Variants in TRAP1 observed in about 807,000 individuals in gnomAD.
TRAP1 encodes the protein heat shock protein 75 kDa, mitochondrial.
Under a neutral mutation model 89.1 loss-of-function variants are expected in TRAP1, and 102 were observed. The observed-to-expected ratio is 1.15, with a 90% CI of 0.98 to 1.35. TRAP1 has a LOEUF of 1.35. Ranked by LOEUF, TRAP1 falls within the 40% of genes most tolerant of loss-of-function variation. The pLI, the probability that TRAP1 is intolerant of heterozygous loss-of-function variation, is 0.00. For synonymous variants in TRAP1, 508 were observed against 388.0 expected (o/e 1.31, Z -3.64); for missense variants, 1,256 against 945.3 (o/e 1.33, Z -4.31).
At chr16:3,666,442 A>G (rs2050831640) in intron 11 of TRAP1, among the ~76,000 whole-genome samples, 1 of 152,092 alleles carries the variant, frequency 6.6e-6, no homozygotes, top group African/African-American at 2.4e-5. Context: ...CTTAGGAAAC[A>G]TGTGAGCACA....
chr16:3,681,641 C>G (rs900521258), intron 4 of TRAP1, among the ~76,000 whole-genome samples: 3 of 151,986 alleles, frequency 2.0e-5, no homozygotes, highest in Non-Finnish European at 4.4e-5. Flanking sequence ...AAATTAGTAT[C>G]TAGTTGATAT....
chr16:3,698,925 G>C (rs2051327792), intron 1 of TRAP1, among the ~76,000 whole-genome samples: 1 of 151,892 alleles, frequency 6.6e-6, no homozygotes, highest in Non-Finnish European at 1.5e-5. Context: ...TAAACCATTA[G>C]AGGAATAAAT....
At position 3,661,982 on chromosome 16, in the gene TRAP1, C is replaced by A; in HGVS notation, c.1940+5G>T. The A allele has an allele frequency of 1.9e-6, 3 of 1,598,112 alleles. No individual in the cohort carries two copies. Among genetic ancestry groups the A allele is most frequent in the Non-Finnish European group, 2.6e-6 (3 of 1,170,430 alleles). Reference sequence around the variant, plus strand: ...AGGCTGGAAGAGCCAGGAGCGTGGCCTCACCTGGGGTTGATCTCCAGCGTG... The same window carrying A: ...AGGCTGGAAGAGCCAGGAGCGTGGCATCACCTGGGGTTGATCTCCAGCGTG... On this transcript the variant is annotated splice_donor_5th_base_variant and intron_variant, in intron 16 of 17. Coordinates refer to ENST00000246957, the MANE Select transcript of TRAP1 (RefSeq NM_016292.3).
At chr16:3,667,622 C>T (rs1159631658) in intron 11 of TRAP1, among the ~76,000 whole-genome samples, 2 of 148,982 alleles carry the variant, frequency 1.3e-5, no homozygotes, top group Non-Finnish European at 3.0e-5. Flanking sequence ...AAGACTCCAT[C>T]TCAAAAATAA....
chr16:3,672,720 T>C lies in TRAP1; in HGVS notation c.1145A>G (p.Lys382Arg), dbSNP rs748412168. Reference protein sequence around the residue: ...IQTKATDILPKWLRFIRGVVD... With the variant: ...IQTKATDILPRWLRFIRGVVD... ...CGTACCTCGGATGAAGCGCAGCCAC[T>C]TGGGCAGGATGTCCGTGGCCTTGGT... The change falls in exon 10 of 18, where the codon AAG (lysine) becomes AGG (arginine). Residue 382 changes from lysine to arginine, a missense_variant. Lys to Arg is a conservative substitution (Grantham distance 26, BLOSUM62 2). Transcript: ENST00000246957. 17 of 1,609,832 alleles carry C rather than the reference T, an allele frequency of 1.1e-5. No individual in the cohort carries two copies. Among genetic ancestry groups the C allele is most frequent in the African/African-American group, 2.7e-5 (2 of 74,856 alleles).
intron 12 of TRAP1, 119 bp downstream of exon 12, chr16:3,665,852 A>C (rs1055250865): frequency 7.7e-7 from 1 of 1,293,290 alleles, no homozygotes; most frequent in Non-Finnish European, 1.0e-6. Flanking sequence ...TGGCAGCAGC[A>C]GCAGCAGCCA....
At chr16:3,674,956 G>A in intron 8 of TRAP1, 1 of 328,604 alleles carries the variant, frequency 3.0e-6, no homozygotes, top group Non-Finnish European at 5.7e-6. Context: ...TGCTGGGACT[G>A]GGGGAGGGGC....
chr16:3,695,771 T>C (rs1032298859), intron 1 of TRAP1, among the ~76,000 whole-genome samples: 4 of 152,120 alleles, frequency 2.6e-5, no homozygotes, highest in African/African-American at 9.7e-5. Context: ...GCAGGAGATG[T>C]GTCCCCTGCG....
intron 1 of TRAP1, among the ~76,000 whole-genome samples, chr16:3,712,117 C>A (rs2051539135): frequency 6.6e-6 from 1 of 151,634 alleles, no homozygotes; most frequent in Admixed American, 6.6e-5. Context: ...GGTGAAACCT[C>A]GTCTCTACTA....
chr16:3,658,622 A>C (rs2042866414), intron 17 of TRAP1, 171 bp downstream of exon 17: 6 of 652,020 alleles, frequency 9.2e-6, no homozygotes, highest in Non-Finnish European at 1.6e-5. Context: ...GTAGTGAGCC[A>C]AGATCGCGCC....
intron 9 of TRAP1, among the ~76,000 whole-genome samples, chr16:3,673,682 G>A (rs1287333485): frequency 6.6e-6 from 1 of 152,198 alleles, no homozygotes; most frequent in Admixed American, 6.5e-5. Flanking sequence ...TTCCAAGATG[G>A]ATGCCAGCTG....
chr16:3,674,561 G>A, intron 8 of TRAP1, 67 bp from the exon 9 acceptor site: 1 of 1,568,278 alleles, frequency 6.4e-7, no homozygotes, highest in Non-Finnish European at 8.6e-7. Context: ...CACCGTGCAG[G>A]CCTGAGCCAG....
At chr16:3,674,159 G>T (rs945178459) in intron 9 of TRAP1, among the ~76,000 whole-genome samples, 180 bp downstream of exon 9, 3 of 152,154 alleles carry the variant, frequency 2.0e-5, no homozygotes, top group Non-Finnish European at 2.9e-5. Context: ...GGGCTCAGGT[G>T]ATCCACCCTC....
intron 1 of TRAP1, among the ~76,000 whole-genome samples, chr16:3,699,357 G>T (rs904318866): frequency 3.3e-5 from 5 of 152,090 alleles, no homozygotes; most frequent in Non-Finnish European, 5.9e-5. Flanking sequence ...TTTTATACTG[G>T]CCAGGCGCAG....
intron 1 of TRAP1, among the ~76,000 whole-genome samples, chr16:3,692,901 A>AGGTATCTTTTATAGACC (rs1181207879): frequency 7.2e-6 from 1 of 139,540 alleles, no homozygotes; most frequent in African/African-American, 2.7e-5. Flanking sequence ...GCCCAGCCAA[A>AGGTATCTTTTATAGACC]ACTTGCCTAT....
At chr16:3,689,242 CTTTT>C (rs34759526) in intron 2 of TRAP1, 105 bp from the exon 3 acceptor site, 1,439 of 423,566 alleles carry the variant, frequency 3.4e-3, no homozygotes, top group South Asian at 4.8e-3. Context: ...GAGTTTTAAA[CTTTT>C]TTTTTTTTTT....
intron 7 of TRAP1, among the ~76,000 whole-genome samples, chr16:3,675,602 A>T (rs2050979874): frequency 6.6e-6 from 1 of 152,084 alleles, no homozygotes; most frequent in Non-Finnish European, 1.5e-5. Flanking sequence ...CGTGAGAACC[A>T]GAGCTGTGGA....
intron 11 of TRAP1, among the ~76,000 whole-genome samples, chr16:3,667,828 G>A (rs1265327093): frequency 2.7e-5 from 4 of 147,846 alleles, no homozygotes; most frequent in Non-Finnish European, 4.5e-5. Context: ...GCGTGATCTC[G>A]GCTCACTGCA....
intron 16 of TRAP1, 96 bp downstream of exon 16, chr16:3,661,891 C>T (rs1033402509): frequency 4.6e-5 from 66 of 1,436,750 alleles, no homozygotes; most frequent in Non-Finnish European, 5.5e-5. Flanking sequence ...AGGCCTCACG[C>T]ACTTTTCTTC....
Sources: gnomAD v4.1 joint callset for allele counts (sites outside exome capture counted in the v4.1 genomes callset) on GRCh38, gnomAD v4.1.1 for gene constraint, MANE v1.5 for transcripts, NCBI Gene and HGNC (gene_info 2026-07-23, HGNC 2026-07-21) for gene names.